CFAP299: variants seen among roughly 807,000 people sequenced by gnomAD.
The protein encoded by CFAP299 is cilia and flagella associated protein 299.
CFAP299 carries 21 observed loss-of-function variants against 27.0 expected under a neutral mutation model. The observed-to-expected ratio is 0.78, with a 90% CI of 0.55 to 1.12. The LOEUF (loss-of-function observed/expected upper bound fraction) is 1.12, where lower values mean the gene tolerates loss of function less well. Among genes scored for constraint, CFAP299 ranks in the 50% most tolerant of loss-of-function variants. The pLI, the probability that CFAP299 is intolerant of heterozygous loss-of-function variation, is 0.00. For synonymous variants in CFAP299, 104 were observed against 98.1 expected (o/e 1.06, Z -0.36); for missense variants, 310 against 276.6 (o/e 1.12, Z -0.86).
chr4:80,403,587 G>T (rs1443558624), intron 2 of CFAP299, among the ~76,000 whole-genome samples: 1 of 151,998 alleles, frequency 6.6e-6, no homozygotes, highest in Non-Finnish European at 1.5e-5. Context: ...GCTCCTTCTT[G>T]TCATTCTGAT....
chr4:80,959,398 C>T (rs1046202692), intron 5 of CFAP299, among the ~76,000 whole-genome samples: 6 of 151,684 alleles, frequency 4.0e-5, no homozygotes, highest in Non-Finnish European at 5.9e-5. Context: ...TGTCATTAGG[C>T]AAAACACTGC....
intron 3 of CFAP299, among the ~76,000 whole-genome samples, chr4:80,691,708 A>G (rs1414202351): frequency 1.3e-5 from 2 of 151,758 alleles, no homozygotes; most frequent in African/African-American, 2.4e-5. Context: ...ATCAGGCAGG[A>G]GAAGGAAATA....
chr4:80,555,022 A>G (rs1389855795), intron 2 of CFAP299, among the ~76,000 whole-genome samples: 1 of 152,052 alleles, frequency 6.6e-6, no homozygotes, highest in African/African-American at 2.4e-5. Flanking sequence ...TCTGGCTGGG[A>G]TTTCCAATAA....
chr4:80,779,415 T>A (rs1328508239), intron 3 of CFAP299, among the ~76,000 whole-genome samples: 1 of 152,110 alleles, frequency 6.6e-6, no homozygotes, highest in Non-Finnish European at 1.5e-5. Context: ...TATCCTACTT[T>A]GCTACTGTGG....
intron 3 of CFAP299, among the ~76,000 whole-genome samples, chr4:80,842,081 G>C (rs1301191707): frequency 6.6e-6 from 1 of 152,006 alleles, no homozygotes; most frequent in Non-Finnish European, 1.5e-5. Flanking sequence ...GAATGAATGG[G>C]GTGGCTGGTG....
At chr4:80,909,014 T>C (rs1414265136) in intron 4 of CFAP299, among the ~76,000 whole-genome samples, 1 of 152,164 alleles carries the variant, frequency 6.6e-6, no homozygotes, top group African/African-American at 2.4e-5. Flanking sequence ...CCTCCAAACC[T>C]GTGGAAAGTC....
At chr4:80,437,435 C>G (rs1728144493) in intron 2 of CFAP299, among the ~76,000 whole-genome samples, 1 of 152,146 alleles carries the variant, frequency 6.6e-6, no homozygotes, top group Non-Finnish European at 1.5e-5. Context: ...TAGCAGCAGC[C>G]AGAGTCTCAA....
chr4:80,836,153 A>G (rs1478924239), intron 3 of CFAP299, among the ~76,000 whole-genome samples: 1 of 152,228 alleles, frequency 6.6e-6, no homozygotes, highest in African/African-American at 2.4e-5. Flanking sequence ...AAGCCTATGT[A>G]TCATTAATTA....
At chr4:80,492,769 A>G (rs2110140556) in intron 2 of CFAP299, among the ~76,000 whole-genome samples, 1 of 152,282 alleles carries the variant, frequency 6.6e-6, no homozygotes, top group Admixed American at 6.5e-5. Context: ...CTCCTGGGCA[A>G]AGGCCTTTAT....
At chr4:80,732,226 G>T (rs377145409) in intron 3 of CFAP299, among the ~76,000 whole-genome samples, 8 of 152,208 alleles carry the variant, frequency 5.3e-5, no homozygotes, top group African/African-American at 1.9e-4. Flanking sequence ...CATAAATCTT[G>T]CTGTTTATTT....
intron 3 of CFAP299, among the ~76,000 whole-genome samples, chr4:80,753,466 T>A (rs996442519): frequency 1.3e-5 from 2 of 152,150 alleles, no homozygotes; most frequent in African/African-American, 4.8e-5. Flanking sequence ...TATTGGTTTT[T>A]TGTTTGTTTT....
chr4:80,478,695 T>C (rs1730404069), intron 2 of CFAP299, among the ~76,000 whole-genome samples: 2 of 152,080 alleles, frequency 1.3e-5, no homozygotes. Flanking sequence ...TCCTTACATG[T>C]TTCTAACAGG....
At chr4:80,483,898 A>G (rs1730685194) in intron 2 of CFAP299, among the ~76,000 whole-genome samples, 1 of 152,164 alleles carries the variant, frequency 6.6e-6, no homozygotes, top group Non-Finnish European at 1.5e-5. Flanking sequence ...GCCAATTGTA[A>G]CATTTGACTT....
intron 3 of CFAP299, among the ~76,000 whole-genome samples, chr4:80,791,220 A>T (rs1247541096): frequency 5.3e-5 from 8 of 152,064 alleles, no homozygotes; most frequent in African/African-American, 1.9e-4. Flanking sequence ...AAATAAAAAA[A>T]AAATCCCTAT....
chr4:80,638,257 T>A lies in CFAP299; in HGVS notation c.333+55074T>A, dbSNP rs1193000717. Among the ~76,000 whole-genome samples the A allele has an allele frequency of 2.6e-5, 4 of 152,234 alleles. No homozygotes were observed. The South Asian group carries it at 6.2e-4, about 24-fold the overall frequency. ...CCCTACTTGGAGAACTTTTATTCAG[T>A]TTTAGTAATGGGGTGTGGAAGGGAG... On this transcript the variant is annotated intron_variant, in intron 3 of 5. Transcript: ENST00000358105.
At position 80,400,375 on chromosome 4, in the gene CFAP299, C is replaced by T. The variant is rs369209788; in HGVS notation, c.242+37491C>T. Reference sequence around the variant, plus strand: ...GATATGGCTTGGTTGTGCCCCCACCCAAATCTCAGCTTGAATTGTATCTCC... The same window carrying T: ...GATATGGCTTGGTTGTGCCCCCACCTAAATCTCAGCTTGAATTGTATCTCC... On this transcript the variant is annotated intron_variant, in intron 2 of 5. Coordinates refer to ENST00000358105, the MANE Select transcript of CFAP299 (RefSeq NM_152770.3). Among the ~76,000 whole-genome samples, 15 of 152,188 alleles carry T rather than the reference C, an allele frequency of 9.9e-5. No homozygotes were observed. The East Asian group carries it at 2.7e-3, about 27-fold the overall frequency.
intron 2 of CFAP299, among the ~76,000 whole-genome samples, chr4:80,539,777 C>T (rs11940032): frequency 0.37 from 55,538 of 152,020 alleles, 13,002 homozygotes; most frequent in African/African-American, 0.67. Context: ...ACATTTTGAA[C>T]ACCTCCCCAA....
At chr4:80,925,878 T>A (rs1442784092) in intron 4 of CFAP299, among the ~76,000 whole-genome samples, 1 of 152,086 alleles carries the variant, frequency 6.6e-6, no homozygotes, top group African/African-American at 2.4e-5. Flanking sequence ...AATAGTCCAA[T>A]AAGGTGTTGT....
intron 3 of CFAP299, among the ~76,000 whole-genome samples, chr4:80,852,384 C>G (rs549605613): frequency 6.6e-6 from 1 of 152,134 alleles, no homozygotes; most frequent in South Asian, 2.1e-4. Flanking sequence ...GTGTGATAAA[C>G]TTAGAGAAAC....
Sources: allele counts gnomAD v4.1 joint callset (sites outside exome capture counted in the v4.1 genomes callset), GRCh38; gene constraint gnomAD v4.1.1; transcripts MANE v1.5; gene names NCBI Gene and HGNC (gene_info 2026-07-23, HGNC 2026-07-21).